The following ARSG variants were observed in gnomAD, a reference collection of about 807,000 sequenced individuals.
The protein encoded by ARSG is arylsulfatase G, also known as ASG.
A neutral mutation model predicts 50.5 loss-of-function variants in ARSG; 37 were observed. The observed-to-expected ratio is 0.73, with a 90% CI of 0.56 to 0.96. ARSG has a LOEUF of 0.96. ARSG is among the 50% of genes least tolerant of loss of function. ARSG has a pLI of 0.00. For missense variants in ARSG, 629 were observed against 675.3 expected (o/e 0.93, Z 0.76); for synonymous variants, 225 against 254.6 (o/e 0.88, Z 1.11).
At chr17:68,296,046 T>G (rs1238630539) in intron 1 of ARSG, among the ~76,000 whole-genome samples, 1 of 152,168 alleles carries the variant, frequency 6.6e-6, no homozygotes, top group Non-Finnish European at 1.5e-5. Flanking sequence ...CACTTCAGCC[T>G]GGGCAACAGA....
intron 11 of ARSG, among the ~76,000 whole-genome samples, chr17:68,409,806 A>C (rs968100505): frequency 6.6e-6 from 1 of 151,436 alleles, no homozygotes; most frequent in Non-Finnish European, 1.5e-5. Flanking sequence ...CTTGAGCAGC[A>C]GTTTGTAGTT....
chr17:68,393,321 G>A (rs190216496), intron 9 of ARSG, among the ~76,000 whole-genome samples: 2 of 152,252 alleles, frequency 1.3e-5, no homozygotes, highest in East Asian at 3.9e-4. Flanking sequence ...CACCCACCCT[G>A]TAACGCCCTG....
intron 1 of ARSG, among the ~76,000 whole-genome samples, chr17:68,281,747 C>T (rs139703687): frequency 1.3e-5 from 2 of 152,160 alleles, no homozygotes; most frequent in African/African-American, 2.4e-5. Flanking sequence ...TGGCTATGAT[C>T]AGAAGACAAA....
At position 68,274,038 on chromosome 17, in the gene ARSG, C is replaced by T. The variant is rs142630255; in HGVS notation, c.-552+14612C>T. The T allele has an allele frequency of 2.9e-4, 474 of 1,613,928 alleles. No individual in the cohort carries two copies. Among genetic ancestry groups the T allele is most frequent in the Non-Finnish European group, 3.7e-4 (433 of 1,179,990 alleles). On this transcript the variant is annotated intron_variant, in intron 1 of 11. Coordinates refer to the ARSG transcript ENST00000448504. Reference sequence around the variant, plus strand: ...CCCAACATCACTACCAGACGGTGTCCGAAACGATTGCTCAGGACTGTGGCG... The same window carrying T: ...CCCAACATCACTACCAGACGGTGTCTGAAACGATTGCTCAGGACTGTGGCG...
chr17:68,399,942 G>A lies in ARSG; in HGVS notation c.1213-1418G>A, dbSNP rs1192652490. 2.0e-5 allele frequency among the ~76,000 whole-genome samples: 3 copies of A among 152,200 alleles called. No homozygotes were observed. Among genetic ancestry groups the A allele is most frequent in the Non-Finnish European group, 4.4e-5 (3 of 68,044 alleles). ...GGAAGAAGTGAGGGTTTTCAGTTAC[G>A]ACTTCTTTTCCTGTTTGGAAGGAAC... On this transcript the variant is annotated intron_variant, in intron 10 of 11. Coordinates refer to ENST00000621439, the MANE Select transcript of ARSG (RefSeq NM_001267727.2). The surrounding 1 kb of genome is among the most constrained non-coding windows in gnomAD (Gnocchi z 4.6).
chr17:68,382,745 A>G (rs2146972659), intron 8 of ARSG, among the ~76,000 whole-genome samples: 1 of 152,352 alleles, frequency 6.6e-6, no homozygotes, highest in Admixed American at 6.5e-5. Flanking sequence ...TGTTGGTGAC[A>G]CATAAATATT....
intron 2 of ARSG, among the ~76,000 whole-genome samples, chr17:68,314,709 T>A (rs1167619991): frequency 6.6e-5 from 10 of 152,014 alleles, no homozygotes; most frequent in East Asian, 3.9e-4. Flanking sequence ...ATAAAAAAAA[T>A]AAAAAATAAA....
rs546232390 is a variant in ARSG at position 68,372,873 on chromosome 17, G to C, written c.982+2349G>C. Among the ~76,000 whole-genome samples, 356 of 135,870 alleles carry C rather than the reference G, an allele frequency of 2.6e-3. 2 individuals carry two copies. Among genetic ancestry groups the C allele is most frequent in the African/African-American group, 9.2e-3 (337 of 36,584 alleles). The allele number at this position is 135,870 out of a possible 152,430, so 89.1% of individuals were successfully genotyped here. On this transcript the variant is annotated intron_variant, in intron 8 of 11. Transcript: ENST00000621439. ...TCAATTCTGGTGCAGAGAAGGAAAT[G>C]CTGATTTTTTTTTTTTTTTTTTTTT... is the stretch of plus-strand genomic sequence containing the variant.
chr17:68,419,618 T>C (rs1480274416), intron 11 of ARSG, among the ~76,000 whole-genome samples: 1 of 152,086 alleles, frequency 6.6e-6, no homozygotes, highest in Admixed American at 6.6e-5. Context: ...ATAAAGATAC[T>C]TGAATGAATG....
chr17:68,275,358 G>A (rs1287876363), intron 1 of ARSG, among the ~76,000 whole-genome samples: 1 of 152,088 alleles, frequency 6.6e-6, no homozygotes, highest in Non-Finnish European at 1.5e-5. Context: ...CATTTTTTTG[G>A]GTTAGTCTAT....
At chr17:68,364,500 C>T (rs1462932328) in intron 6 of ARSG, among the ~76,000 whole-genome samples, 2 of 152,036 alleles carry the variant, frequency 1.3e-5, no homozygotes, top group South Asian at 2.1e-4. Flanking sequence ...GCTGGGATTA[C>T]AGGCACGCGT....
intron 2 of ARSG, among the ~76,000 whole-genome samples, chr17:68,330,963 AT>A (rs1474180725): frequency 1.4e-5 from 1 of 72,658 alleles, no homozygotes; most frequent in African/African-American, 5.5e-5. Context: ...ACTTTTCTTT[AT>A]TTCTTTTTTT....
the ARSG span, chr17:68,428,158 A>G: frequency 6.6e-6 from 1 of 152,124 alleles, no homozygotes; most frequent in African/African-American, 2.4e-5. Flanking sequence ...TTGGCCTCCC[A>G]AAGTATTGGG....
chr17:68,289,220 C>T (rs2075910387), upstream of ARSG, among the ~76,000 whole-genome samples: 1 of 152,024 alleles, frequency 6.6e-6, no homozygotes, highest in African/African-American at 2.4e-5. Context: ...ATCGCTTGAG[C>T]CCGGGAGGTC....
At chr17:68,330,193 G>A (rs992739884) in intron 2 of ARSG, among the ~76,000 whole-genome samples, 2 of 151,802 alleles carry the variant, frequency 1.3e-5, no homozygotes, top group Non-Finnish European at 2.9e-5. Context: ...CTGGGTGGCA[G>A]AGTGAGGCTC....
At chr17:68,426,254 G>GGCCCCCCCCCCCCCCCCCCCC, downstream of ARSG, 1 of 816,922 alleles carries the variant, frequency 1.2e-6, no homozygotes, top group Non-Finnish European at 1.9e-6. Flanking sequence ...GGGAGCGGGG[G>GGCCCCCCCCCCCCCCCCCCCC]CTCAAATAAA....
chr17:68,347,070 G>T (rs1391972066), intron 3 of ARSG, 55 bp from the exon 4 acceptor site: 3 of 1,594,688 alleles, frequency 1.9e-6, no homozygotes, highest in East Asian at 4.5e-5. Context: ...TCCTCAGGGG[G>T]CTGTGGTACC....
intron 11 of ARSG, among the ~76,000 whole-genome samples, chr17:68,405,401 C>A (rs572624459): frequency 1.3e-5 from 2 of 152,160 alleles, no homozygotes; most frequent in South Asian, 4.1e-4. Context: ...GCAAGTCTTT[C>A]ACTTTTTTGT....
chr17:68,413,153 G>T (rs926565260), intron 11 of ARSG, among the ~76,000 whole-genome samples: 3 of 152,084 alleles, frequency 2.0e-5, no homozygotes, highest in African/African-American at 7.3e-5. Context: ...GCTTTGTTCC[G>T]TTGCTGGTGA....
Sources: allele counts gnomAD v4.1 joint callset (sites outside exome capture counted in the v4.1 genomes callset), GRCh38; gene constraint gnomAD v4.1.1; non-coding constraint Gnocchi (gnomAD v3.1); transcripts MANE v1.5; gene names NCBI Gene and HGNC (gene_info 2026-07-23, HGNC 2026-07-21).